The following RALGPS1 variants were observed in gnomAD, a reference collection of about 807,000 sequenced individuals.
RALGPS1 encodes the protein ras-specific guanine nucleotide-releasing factor RalGPS1.
A neutral mutation model predicts 78.8 loss-of-function variants in RALGPS1; 19 were observed. That is an observed-to-expected ratio of 0.24 (90% CI 0.17 to 0.35). RALGPS1 has a LOEUF of 0.35. RALGPS1 is among the 10% of genes least tolerant of loss of function. RALGPS1 has a pLI of 1.00. For missense variants in RALGPS1, 454 were observed against 688.3 expected (o/e 0.66, Z 3.81); for synonymous variants, 228 against 256.3 (o/e 0.89, Z 1.06).
chr9:127,144,877 G>A (rs1426273857), intron 8 of RALGPS1, among the ~76,000 whole-genome samples: 1 of 152,206 alleles, frequency 6.6e-6, no homozygotes. Flanking sequence ...AATGGGTGTA[G>A]CATTCCATTT....
At chr9:127,088,766 C>T in intron 8 of RALGPS1, 1 of 717,478 alleles carries the variant, frequency 1.4e-6, no homozygotes, top group South Asian at 1.8e-5. Context: ...ACAGAAAACA[C>T]CGTATCGATT....
intron 1 of RALGPS1, among the ~76,000 whole-genome samples, chr9:126,934,242 T>C (rs2036057965): frequency 6.6e-6 from 1 of 152,202 alleles, no homozygotes; most frequent in Non-Finnish European, 1.5e-5. Context: ...TGACTGAGCT[T>C]TGAAAGACAA....
intron 13 of RALGPS1, 95 bp downstream of exon 13, chr9:127,196,726 G>A: frequency 1.4e-6 from 2 of 1,390,286 alleles, no homozygotes; most frequent in Non-Finnish European, 1.9e-6. Flanking sequence ...ATGCCCAGTG[G>A]CGCTATCATT....
chr9:127,154,763 G>C (rs762131022), intron 8 of RALGPS1, among the ~76,000 whole-genome samples: 1 of 152,142 alleles, frequency 6.6e-6, no homozygotes, highest in Non-Finnish European at 1.5e-5. Flanking sequence ...ACAGATACGC[G>C]AGTGCATTAG....
At chr9:126,993,817 C>T (rs1160894196) in intron 4 of RALGPS1, among the ~76,000 whole-genome samples, 2 of 152,138 alleles carry the variant, frequency 1.3e-5, no homozygotes, top group Non-Finnish European at 2.9e-5. Context: ...CCGGGCACTC[C>T]TCTGAGACAA....
At chr9:126,990,225 A>C in intron 4 of RALGPS1, 1 of 543,996 alleles carries the variant, frequency 1.8e-6, no homozygotes, top group Non-Finnish European at 3.2e-6. Flanking sequence ...CTCAGGTCAC[A>C]TGCTGGGCAG....
At chr9:127,192,977 G>A (rs1200676898) in intron 11 of RALGPS1, among the ~76,000 whole-genome samples, 2 of 152,238 alleles carry the variant, frequency 1.3e-5, no homozygotes, top group Admixed American at 6.5e-5. Flanking sequence ...GTCAGTGGAT[G>A]TGTCATTAGG....
chr9:126,990,214 T>C (rs996304421), intron 4 of RALGPS1: 163 of 573,904 alleles, frequency 2.8e-4, no homozygotes, highest in Non-Finnish European at 1.7e-4. Context: ...AAAACCCCTC[T>C]CTCAGGTCAC....
chr9:126,926,532 G>A (rs757634540), intron 1 of RALGPS1, among the ~76,000 whole-genome samples: 3 of 152,164 alleles, frequency 2.0e-5, no homozygotes, highest in Non-Finnish European at 4.4e-5. Flanking sequence ...GATTTATGGT[G>A]GAGGATGGAG....
intron 8 of RALGPS1, among the ~76,000 whole-genome samples, chr9:127,146,500 C>T (rs1325821299): frequency 6.7e-6 from 1 of 148,954 alleles, no homozygotes; most frequent in East Asian, 1.9e-4. Flanking sequence ...CATGTTTTTG[C>T]TATTGTGAAT....
intron 14 of RALGPS1, among the ~76,000 whole-genome samples, chr9:127,204,451 T>C (rs1403641932): frequency 1.3e-5 from 2 of 152,062 alleles, no homozygotes; most frequent in Admixed American, 1.3e-4. Flanking sequence ...TTTCCCTCAA[T>C]AGGTACTACT....
rs143428908 is a variant in RALGPS1 at position 126,933,926 on chromosome 9, C to T, written c.-66+18951C>T. 4.1e-3 allele frequency among the ~76,000 whole-genome samples: 617 copies of T among 152,274 alleles called. 1 individual carries two copies. Among genetic ancestry groups the T allele is most frequent in the Non-Finnish European group, 6.4e-3 (434 of 68,002 alleles). The stretch of plus-strand genomic sequence containing the variant: ...TCCAGGCATTCCTGAGGTCCCTTCT[C>T]GCTGGGTGGTGCGCGAGGCCTTGGC... On this transcript the variant is annotated intron_variant, in intron 1 of 18. Transcript: ENST00000259351.
intron 8 of RALGPS1, among the ~76,000 whole-genome samples, chr9:127,146,430 G>A (rs914203170): frequency 5.3e-5 from 8 of 151,994 alleles, no homozygotes; most frequent in African/African-American, 1.9e-4. Flanking sequence ...AGTATTCCAT[G>A]GTATATATAT....
chr9:126,995,040 TGGAAA>T (rs2042609896), intron 4 of RALGPS1, among the ~76,000 whole-genome samples: 2 of 152,084 alleles, frequency 1.3e-5, no homozygotes, highest in South Asian at 4.1e-4. Context: ...GCACTAAACA[TGGAAA>T]GGAACAACAA....
chr9:126,925,557 GA>G (rs113554319), intron 1 of RALGPS1, among the ~76,000 whole-genome samples: 2,001 of 146,688 alleles, frequency 0.014, 45 homozygotes, highest in East Asian at 0.092. Context: ...TCAAAAAAAA[GA>G]AAAAAAAAAA....
At chr9:127,178,864 C>T (rs1377522884) in intron 11 of RALGPS1, among the ~76,000 whole-genome samples, 1 of 152,236 alleles carries the variant, frequency 6.6e-6, no homozygotes, top group Non-Finnish European at 1.5e-5. Context: ...TCATGCTCCT[C>T]CGTGGCACTT....
In RALGPS1 at chr9:127,000,035, A is replaced by G. The variant is rs148825684; in HGVS notation, c.216+22290A>G. 1.6e-4 allele frequency among the ~76,000 whole-genome samples: 24 copies of G among 152,228 alleles called. No individual in the cohort carries two copies. The East Asian group carries it at 2.7e-3, about 17-fold the overall frequency. ...TTCCCTTTTTATTCTTTTAATATCTATAGGATCTGTCATGATGTCCCCTGC... is the reference window on the plus strand; with the variant it reads ...TTCCCTTTTTATTCTTTTAATATCTGTAGGATCTGTCATGATGTCCCCTGC... On this transcript the variant is annotated intron_variant, in intron 4 of 18. Transcript: ENST00000259351.
At chr9:126,971,751 G>C (rs1404575248) in intron 3 of RALGPS1, among the ~76,000 whole-genome samples, 1 of 152,140 alleles carries the variant, frequency 6.6e-6, no homozygotes, top group Non-Finnish European at 1.5e-5. Context: ...ATTACTTGTG[G>C]AATTAAGACT....
intron 14 of RALGPS1, among the ~76,000 whole-genome samples, chr9:127,204,908 G>A (rs1220510875): frequency 6.6e-6 from 1 of 152,224 alleles, no homozygotes; most frequent in African/African-American, 2.4e-5. Context: ...TCCCAAGGAT[G>A]CCTCTCAAGC....
Sources: gnomAD v4.1 joint callset for allele counts (sites outside exome capture counted in the v4.1 genomes callset) on GRCh38, gnomAD v4.1.1 for gene constraint, MANE v1.5 for transcripts, NCBI Gene and HGNC (gene_info 2026-07-23, HGNC 2026-07-21) for gene names.